ZNF544: variants seen among roughly 807,000 people sequenced by gnomAD.
ZNF544 encodes the protein zinc finger protein 544.
A neutral mutation model predicts 13.5 loss-of-function variants in ZNF544; 10 were observed. The ratio of observed to expected loss-of-function variants is 0.74; its 90% CI spans 0.46 to 1.25. The LOEUF (loss-of-function observed/expected upper bound fraction) is 1.25. Ranked by LOEUF, ZNF544 falls within the 50% of genes most tolerant of loss-of-function variation. The pLI, the probability that ZNF544 is intolerant of heterozygous loss-of-function variation, is 0.00. For synonymous variants in ZNF544, 323 were observed against 300.5 expected (o/e 1.07, Z -0.77); for missense variants, 896 against 845.6 (o/e 1.06, Z -0.74).
At chr19:58,242,779 C>A (rs2044184680) in intron 3 of ZNF544, among the ~76,000 whole-genome samples, 1 of 152,142 alleles carries the variant, frequency 6.6e-6, no homozygotes, top group African/African-American at 2.4e-5. Context: ...CTCACTAAAA[C>A]TTCCCGCCCC....
At chr19:58,274,391 C>T (rs953817380) in intron 5 of ZNF544, among the ~76,000 whole-genome samples, 2 of 152,080 alleles carry the variant, frequency 1.3e-5, no homozygotes, top group Non-Finnish European at 2.9e-5. Flanking sequence ...CAACTTGTCA[C>T]GCATACAGGG....
chr19:58,241,144 A>ATATATATATATTTTAATAT, intron 3 of ZNF544, among the ~76,000 whole-genome samples: 1 of 73,762 alleles, frequency 1.4e-5, no homozygotes. Context: ...GCCAATTTAA[A>ATATATATATATTTTAATAT]ATATATATAT....
chr19:58,258,584 G>A (rs1413382270), intron 6 of ZNF544: 1 of 132,772 alleles, frequency 7.5e-6, no homozygotes, highest in African/African-American at 2.8e-5. Context: ...GTGTGAGGGT[G>A]CTGGGTGTGA....
chr19:58,232,754 C>T (rs1270681874), intron 3 of ZNF544, among the ~76,000 whole-genome samples: 19 of 143,676 alleles, frequency 1.3e-4, no homozygotes, highest in Non-Finnish European at 1.1e-4. Context: ...ATGGGGAAAC[C>T]CCGTCTCTAC....
intron 5 of ZNF544, among the ~76,000 whole-genome samples, chr19:58,273,720 C>T (rs114250114): frequency 0.012 from 1,822 of 150,962 alleles, 27 homozygotes; most frequent in African/African-American, 0.041. Context: ...ATTCTGTAGA[C>T]AAGTGTGTCT....
At chr19:58,250,682 T>G (rs530373908) in intron 6 of ZNF544, among the ~76,000 whole-genome samples, 4 of 152,246 alleles carry the variant, frequency 2.6e-5, no homozygotes, top group Admixed American at 6.5e-5. Flanking sequence ...ACATTGATAT[T>G]GGGCCCCAAA....
At chr19:58,270,307 TTTTTTTC>T (rs1337421477) in intron 5 of ZNF544, among the ~76,000 whole-genome samples, 2 of 150,886 alleles carry the variant, frequency 1.3e-5, no homozygotes, top group African/African-American at 4.9e-5. Flanking sequence ...GTATTGGCTT[TTTTTTTC>T]TTTTTTTTTG....
intron 3 of ZNF544, among the ~76,000 whole-genome samples, chr19:58,243,606 A>G (rs260485): frequency 1 from 151,397 of 152,056 alleles, 75,397 homozygotes; most frequent in Middle Eastern, 1. Context: ...TTGTCCCCAC[A>G]CCCCCATTGT....
intron 6 of ZNF544, among the ~76,000 whole-genome samples, chr19:58,256,842 TAG>T (rs1399257888): frequency 2.6e-5 from 4 of 152,206 alleles, no homozygotes; most frequent in Non-Finnish European, 5.9e-5. Context: ...CCTTCCCAGC[TAG>T]AGAGAGTCTT....
chr19:58,233,532 T>C (rs1162652792), intron 3 of ZNF544, among the ~76,000 whole-genome samples: 2 of 152,186 alleles, frequency 1.3e-5, no homozygotes, highest in African/African-American at 4.8e-5. Flanking sequence ...CAAAATAGAG[T>C]ATAATAAATT....
chr19:58,234,892 A>G (rs970611240), intron 3 of ZNF544, among the ~76,000 whole-genome samples: 2 of 152,230 alleles, frequency 1.3e-5, no homozygotes, highest in South Asian at 2.1e-4. Flanking sequence ...TACAATGCTA[A>G]GTTTCAAAAG....
Position 58,261,186 on chromosome 19 carries a change from T to C in ZNF544, c.580T>C (p.Leu194=). The change falls in exon 7 of 7, where the codon TTG becomes CTG. Residue 194 remains leucine, a synonymous_variant. Transcript: ENST00000687789. ...FPKPNSQVKE[L]KQNSAFINHE... is the part of the protein sequence containing the mutation. ...TAAGCCCAACTCACAAGTTAAAGAG[T>C]TGAAACAAAATTCAGCTTTCATTAA... The C allele has an allele frequency of 1.9e-6, 3 of 1,614,048 alleles. No individual in the cohort carries two copies. Among genetic ancestry groups the C allele is most frequent in the Non-Finnish European group, 2.5e-6 (3 of 1,180,018 alleles).
At chr19:58,231,997 C>T (rs891984465) in intron 3 of ZNF544, among the ~76,000 whole-genome samples, 3 of 151,500 alleles carry the variant, frequency 2.0e-5, no homozygotes, top group African/African-American at 7.3e-5. Context: ...TGTGCCGCCA[C>T]GCCCAGCTAA....
intron 5 of ZNF544, among the ~76,000 whole-genome samples, chr19:58,271,933 G>A (rs2050681797): frequency 6.6e-6 from 1 of 151,932 alleles, no homozygotes; most frequent in Admixed American, 6.6e-5. Flanking sequence ...AGGCCGAGGC[G>A]GGCGGATCAC....
intron 5 of ZNF544, among the ~76,000 whole-genome samples, chr19:58,274,918 TA>T (rs2051100843): frequency 6.6e-6 from 1 of 151,702 alleles, no homozygotes; most frequent in Admixed American, 6.6e-5. Flanking sequence ...AAACGACAAC[TA>T]AAACAAGCAG....
chr19:58,244,705 A>G (rs575340187), intron 4 of ZNF544, among the ~76,000 whole-genome samples: 1 of 151,316 alleles, frequency 6.6e-6, no homozygotes, highest in East Asian at 2.0e-4. Flanking sequence ...CCTCTCCAGT[A>G]TCTGGGACTA....
Position 58,262,924 on chromosome 19 carries a change from T to C in ZNF544, c.*170T>C. On this transcript the variant is annotated 3_prime_UTR_variant, in exon 7 of 7. Coordinates refer to ENST00000687789, the MANE Select transcript of ZNF544 (RefSeq NM_014480.4). ...GAGAAAAGCCCTACGAATGCATTGA[T>C]TGTGGGAAAGCCTTCAATGATCGCT... 5.6e-6 allele frequency: 8 copies of C among 1,435,902 alleles called. No individual in the cohort carries two copies. The highest frequency in any genetic ancestry group is 7.3e-6 in the Non-Finnish European group (8 of 1,100,160). 88.9% of individuals were successfully genotyped at this position (1,435,902 alleles called of 1,614,324 possible). A position where few individuals can be genotyped will look rare whatever the true frequency, so the allele number is the denominator to read the frequency against.
chr19:58,231,123 G>A (rs955613271), intron 3 of ZNF544, among the ~76,000 whole-genome samples: 1 of 152,040 alleles, frequency 6.6e-6, no homozygotes, highest in Non-Finnish European at 1.5e-5. Context: ...TAGGCAGATT[G>A]CACAGAACAA....
chr19:58,247,589 T>C (rs1284670606), intron 6 of ZNF544: 1 of 151,590 alleles, frequency 6.6e-6, no homozygotes, highest in Non-Finnish European at 1.5e-5. Flanking sequence ...AGAGGTGGGG[T>C]TTCTCCATGT....
Sources: gnomAD v4.1 joint callset for allele counts (sites outside exome capture counted in the v4.1 genomes callset) on GRCh38, gnomAD v4.1.1 for gene constraint, MANE v1.5 for transcripts, NCBI Gene and HGNC (gene_info 2026-07-23, HGNC 2026-07-21) for gene names.